The following ACTN4 variants were observed in gnomAD, a reference collection of about 807,000 sequenced individuals.
The protein encoded by ACTN4 is actinin alpha 4.
A neutral mutation model predicts 114.2 loss-of-function variants in ACTN4; 18 were observed. The observed-to-expected ratio is 0.16, with a 90% CI of 0.11 to 0.23. The LOEUF is 0.23. ACTN4 is among the 10% of genes least tolerant of loss of function. ACTN4 has a pLI of 1.00. For synonymous variants in ACTN4, 515 were observed against 506.3 expected (o/e 1.02, Z -0.23); for missense variants, 722 against 1,262.9 (o/e 0.57, Z 6.49).
At chr19:38,654,174 CAG>C (rs1007117844) in intron 1 of ACTN4, among the ~76,000 whole-genome samples, 128 of 152,280 alleles carry the variant, frequency 8.4e-4, no homozygotes, top group African/African-American at 3.0e-3. Context: ...CAAAGAGAAA[CAG>C]AATCATTTTA....
intron 1 of ACTN4, among the ~76,000 whole-genome samples, chr19:38,690,829 G>A (rs1323370489): frequency 1.3e-5 from 2 of 152,176 alleles, no homozygotes; most frequent in Non-Finnish European, 2.9e-5. Flanking sequence ...TTTTTGGTAT[G>A]TTATGTGAAT....
At chr19:38,721,500 G>T (rs575171373) in intron 11 of ACTN4, 38 bp from the exon 12 acceptor site, 1 of 1,611,852 alleles carries the variant, frequency 6.2e-7, no homozygotes. Flanking sequence ...CCCCACAGCT[G>T]CCGTGCTGTG....
intron 5 of ACTN4, among the ~76,000 whole-genome samples, chr19:38,706,473 G>T (rs1268888007): frequency 1.3e-5 from 2 of 152,252 alleles, no homozygotes; most frequent in Non-Finnish European, 2.9e-5. Context: ...CTGGAGGGCA[G>T]TGGTGTGATC....
intron 1 of ACTN4, among the ~76,000 whole-genome samples, chr19:38,663,578 GGGCGGGCCTTTGC>G (rs1976956319): frequency 6.6e-6 from 1 of 152,220 alleles, no homozygotes; most frequent in Admixed American, 6.5e-5. Flanking sequence ...TGTGCAGGAG[GGGCGGGCCTTTGC>G]CCCCGCTGCG....
rs544908250 is a variant in ACTN4 at position 38,729,730 on chromosome 19, C to A, written c.*298C>A. 1 of 590,442 alleles carries A rather than the reference C, an allele frequency of 1.7e-6. No individual in the cohort carries two copies. Among genetic ancestry groups the A allele is most frequent in the Admixed American group, 2.2e-5 (1 of 46,366 alleles). 36.6% of individuals were successfully genotyped at this position (590,442 alleles called of 1,614,324 possible). A position where few individuals can be genotyped will look rare whatever the true frequency, so the allele number is the denominator to read the frequency against. ...GGCCAGTGGATTCCCACAGCACAAC[C>A]GGTCCCTTCCATGCCCTGGGATGCC... On this transcript the variant is annotated 3_prime_UTR_variant, in exon 21 of 21. Coordinates refer to ENST00000252699, the MANE Select transcript of ACTN4 (RefSeq NM_004924.6).
rs1178501578 is a variant in ACTN4 at position 38,717,905 on chromosome 19, G to A, written c.1144-22G>A. ...GCCTCCACTTCCTTGTGATAGCCCT[G>A]CCTGCTCCTGCCCTGCCCCAGGACA... On this transcript the variant is annotated intron_variant, in intron 10 of 20. Coordinates refer to ENST00000252699, the MANE Select transcript of ACTN4 (RefSeq NM_004924.6). The surrounding 1 kb of genome is among the most constrained non-coding windows in gnomAD (Gnocchi z 4.0). 9.5e-6 allele frequency: 15 copies of A among 1,573,544 alleles called. No individual in the cohort carries two copies. Among genetic ancestry groups the A allele is most frequent in the Non-Finnish European group, 1.3e-5 (15 of 1,158,664 alleles).
At chr19:38,701,217 G>A in intron 3 of ACTN4, 96 bp downstream of exon 3, 3 of 1,586,314 alleles carry the variant, frequency 1.9e-6, no homozygotes, top group Admixed American at 3.4e-5. Flanking sequence ...TTTTGTTGGT[G>A]GCAGGGCGCT....
chr19:38,711,213 C>T (rs751830665), intron 8 of ACTN4: 174 of 878,096 alleles, frequency 2.0e-4, no homozygotes, highest in Non-Finnish European at 2.3e-4. Flanking sequence ...CCGGCCCGGC[C>T]GCCCTCCCTG....
intron 6 of ACTN4, among the ~76,000 whole-genome samples, chr19:38,708,769 T>C (rs1398988411): frequency 1.3e-5 from 2 of 152,190 alleles, no homozygotes; most frequent in South Asian, 2.1e-4. Context: ...AGGAGGCTAG[T>C]GTACCCCGAG....
intron 1 of ACTN4, among the ~76,000 whole-genome samples, chr19:38,661,944 G>A (rs371906492): frequency 6.6e-5 from 10 of 152,188 alleles, no homozygotes; most frequent in East Asian, 3.9e-4. Flanking sequence ...GAGCCACCGC[G>A]CCCGGCCTGG....
chr19:38,671,404 T>C (rs1967124311), intron 1 of ACTN4, among the ~76,000 whole-genome samples: 1 of 152,224 alleles, frequency 6.6e-6, no homozygotes, highest in Non-Finnish European at 1.5e-5. Context: ...CAATGCCAGC[T>C]TTCTATTAAT....
At position 38,706,095 on chromosome 19, in the gene ACTN4, C is replaced by T. The variant is rs149027682; in HGVS notation, c.536C>T (p.Pro179Leu). 4.5e-4 allele frequency: 719 copies of T among 1,614,132 alleles called. 3 individuals carry two copies. The African/African-American group carries it at 8.5e-3, about 19-fold the overall frequency. ...CTCTGGTGCCAGAGAAAGACAGCCC[C>T]GTATAAGAACGTCAATGTGCAGAAC... Reference protein sequence around the residue: ...LLLWCQRKTAPYKNVNVQNFH... With the variant: ...LLLWCQRKTALYKNVNVQNFH... The change falls in exon 5 of 21, where the codon CCG becomes CTG. Residue 179 changes from proline to leucine, a missense_variant. Pro to Leu is a moderately conservative substitution (Grantham distance 98). Transcript: ENST00000252699.
At chr19:38,666,614 C>T (rs1966970160) in intron 1 of ACTN4, among the ~76,000 whole-genome samples, 2 of 152,244 alleles carry the variant, frequency 1.3e-5, no homozygotes, top group South Asian at 2.1e-4. Flanking sequence ...CCCGCCATCA[C>T]GGCTGGGACT....
At position 38,723,543 on chromosome 19, in the gene ACTN4, G is replaced by C. The variant is rs566351652; in HGVS notation, c.1443-71G>C. The C allele has an allele frequency of 1.7e-5, 20 of 1,172,908 alleles. No homozygotes were observed. The Middle Eastern group carries it at 6.1e-4, about 36-fold the overall frequency. The allele number at this position is 1,172,908 out of a possible 1,614,324, so 72.7% of individuals were successfully genotyped here. On this transcript the variant is annotated intron_variant, in intron 12 of 20. Transcript: ENST00000252699. ...CCAACACCCTGGCCTGGGAACCTTGGGGGTAGATGGGTCCAATCCATCTAG... is the reference window on the plus strand; with the variant it reads ...CCAACACCCTGGCCTGGGAACCTTGCGGGTAGATGGGTCCAATCCATCTAG...
In ACTN4 at chr19:38,718,079, G is replaced by C; in HGVS notation, c.1291+5G>C. The C allele has an allele frequency of 6.2e-7, 1 of 1,605,460 alleles. No homozygotes were observed. The highest frequency in any genetic ancestry group is 8.5e-7 in the Non-Finnish European group (1 of 1,175,972). On this transcript the variant is annotated splice_donor_5th_base_variant and intron_variant, in intron 11 of 20. Transcript: ENST00000252699. ...TCCACGAGGCCTGGACTGACGGTACGGCCCAGCTCTGCCCCACTCTGCCCA... is the reference window on the plus strand; with the variant it reads ...TCCACGAGGCCTGGACTGACGGTACCGCCCAGCTCTGCCCCACTCTGCCCA...
At chr19:38,682,111 G>A (rs1029943751) in intron 1 of ACTN4, among the ~76,000 whole-genome samples, 4 of 152,160 alleles carry the variant, frequency 2.6e-5, no homozygotes, top group Non-Finnish European at 5.9e-5. Flanking sequence ...GATTACAGGC[G>A]TGAGCCACCG....
At chr19:38,716,933 G>A (rs1048393899) in intron 9 of ACTN4, among the ~76,000 whole-genome samples, 153 bp from the exon 10 acceptor site, 4 of 152,274 alleles carry the variant, frequency 2.6e-5, no homozygotes, top group African/African-American at 9.6e-5. Flanking sequence ...GGTTCTAGCA[G>A]GAATCGTGGA....
chr19:38,700,553 G>C (rs576615225), intron 1 of ACTN4, 47 bp from the exon 2 acceptor site: 1 of 1,538,356 alleles, frequency 6.5e-7, no homozygotes, highest in Non-Finnish European at 9.0e-7. Context: ...AGAGAGCCCC[G>C]ACAGCCAGGC....
rs372902386 is a variant in ACTN4, at chr19:38,723,991, C to A, written c.1606C>A (p.Arg536Ser). Residue 536 changes from arginine (R) to serine (S), a missense_variant, in exon 14 of 21, where the codon CGC becomes AGC. Coordinates refer to ENST00000252699, the MANE Select transcript of ACTN4 (RefSeq NM_004924.6). Reference sequence around the variant, plus strand: ...CCAGCTGCACCTGGAATACGCCAAGCGCGCGGCCCCCTTCAACAACTGGAT... The same window carrying A: ...CCAGCTGCACCTGGAATACGCCAAGAGCGCGGCCCCCTTCAACAACTGGAT... ...IDQLHLEYAK[R>S]AAPFNNWMES... 2 of 1,613,742 alleles carry A rather than the reference C, an allele frequency of 1.2e-6. No homozygotes were observed. Among genetic ancestry groups the A allele is most frequent in the Non-Finnish European group, 1.7e-6 (2 of 1,179,996 alleles).
Sources: allele counts gnomAD v4.1 joint callset (sites outside exome capture counted in the v4.1 genomes callset), GRCh38; gene constraint gnomAD v4.1.1; non-coding constraint Gnocchi (gnomAD v3.1); transcripts MANE v1.5; gene names NCBI Gene and HGNC (gene_info 2026-07-23, HGNC 2026-07-21).